The following CCSER2 variants were observed in gnomAD, a reference collection of about 807,000 sequenced individuals.
The protein encoded by CCSER2 is serine-rich coiled-coil domain-containing protein 2.
A neutral mutation model predicts 92.3 loss-of-function variants in CCSER2; 46 were observed. The observed-to-expected ratio is 0.50, with a 90% confidence interval of 0.39 to 0.64. CCSER2 has a LOEUF of 0.64. Ranked by LOEUF, CCSER2 falls within the 30% of genes least tolerant of loss-of-function variation. The probability of loss-of-function intolerance (pLI) is 0.00; values close to 1 mark genes in which losing one functional copy is unlikely to be tolerated. For missense variants in CCSER2, 1,244 were observed against 1,238.9 expected, an observed-to-expected ratio of 1.00 and a Z score of -0.06; for synonymous variants, 433 against 431.4, an observed-to-expected ratio of 1.00 and a Z score of -0.04.
intron 4 of CCSER2, among the ~76,000 whole-genome samples, chr10:84,420,758 C>G (rs543376142): frequency 4.6e-5 from 7 of 151,788 alleles, no homozygotes; most frequent in East Asian, 1.9e-4. Context: ...ATGGTGAAAC[C>G]CTGTCTCTAC....
chr10:84,382,595 A>G (rs1264628808), intron 3 of CCSER2, among the ~76,000 whole-genome samples: 2 of 152,238 alleles, frequency 1.3e-5, no homozygotes, highest in Non-Finnish European at 2.9e-5. Flanking sequence ...AAGAGCTCTC[A>G]TTGAAGAATA....
At chr10:84,448,503 C>T (rs1845067316) in intron 6 of CCSER2, among the ~76,000 whole-genome samples, 1 of 152,034 alleles carries the variant, frequency 6.6e-6, no homozygotes, top group Non-Finnish European at 1.5e-5. Flanking sequence ...GGGTGGAAAC[C>T]TATTTTGCTC....
rs773546405 is a variant in CCSER2 at position 84,372,051 on chromosome 10, T to G, written c.999T>G (p.Thr333=). Residue 333 remains threonine, a synonymous_variant, in exon 2 of 10, where the codon ACT becomes ACG. Transcript: ENST00000372088. The part of the protein sequence containing the change: ...LKSSRSPFSG[T]MTVDGNKNSP... ...CTAGCCGATCTCCATTTTCTGGGAC[T>G]ATGACAGTTGATGGAAATAAAAATT... is the stretch of plus-strand genomic sequence containing the variant. 37 of 1,613,894 alleles carry G rather than the reference T, an allele frequency of 2.3e-5. No homozygotes were observed. The East Asian group carries it at 8.2e-4, about 36-fold the overall frequency.
chr10:84,511,943 A>G (rs1849369302), intron 9 of CCSER2, among the ~76,000 whole-genome samples: 1 of 152,130 alleles, frequency 6.6e-6, no homozygotes. Context: ...TGACTTGTTT[A>G]TTTCAAACAT....
chr10:84,380,795 C>T (rs760957996), intron 3 of CCSER2, among the ~76,000 whole-genome samples: 19 of 151,656 alleles, frequency 1.3e-4, no homozygotes, highest in Admixed American at 2.6e-4. Flanking sequence ...CCTGGGTTCA[C>T]GCCATTCTCC....
At chr10:84,436,059 G>A (rs1303215087) in intron 5 of CCSER2, among the ~76,000 whole-genome samples, 1 of 152,130 alleles carries the variant, frequency 6.6e-6, no homozygotes. Flanking sequence ...GCCCGGCGCC[G>A]TGGCCGACGC....
intron 7 of CCSER2, among the ~76,000 whole-genome samples, 187 bp downstream of exon 7, chr10:84,464,203 A>C (rs996213256): frequency 3.9e-5 from 6 of 152,338 alleles, no homozygotes; most frequent in Non-Finnish European, 7.3e-5. Context: ...TATCAGTTGG[A>C]TAATGATCTG....
At chr10:84,484,490 C>CGT (rs143391336) in intron 9 of CCSER2, among the ~76,000 whole-genome samples, 26,748 of 147,256 alleles carry the variant, frequency 0.18, 2,480 homozygotes, top group African/African-American at 0.26. Flanking sequence ...TGTGCATGCA[C>CGT]GTGTGTGTGT....
chr10:84,425,309 C>A, intron 4 of CCSER2: 2 of 268,674 alleles, frequency 7.4e-6, no homozygotes, highest in Non-Finnish European at 1.1e-5. Flanking sequence ...TTAATTGTAG[C>A]AGTCCTTTAT....
At chr10:84,335,664 A>T (rs1027960198) in intron 1 of CCSER2, among the ~76,000 whole-genome samples, 3 of 152,150 alleles carry the variant, frequency 2.0e-5, no homozygotes, top group Non-Finnish European at 4.4e-5. Flanking sequence ...GGCCCTAGTG[A>T]ATACGCTAGG....
chr10:84,482,452 G>A (rs1344479356), intron 9 of CCSER2, among the ~76,000 whole-genome samples: 1 of 152,186 alleles, frequency 6.6e-6, no homozygotes, highest in East Asian at 1.9e-4. Context: ...TTTAAGCATA[G>A]TGTACAGATC....
chr10:84,507,910 A>G (rs1369960223), intron 9 of CCSER2, among the ~76,000 whole-genome samples: 1 of 152,180 alleles, frequency 6.6e-6, no homozygotes, highest in Admixed American at 6.5e-5. Flanking sequence ...TGGGTAGGCT[A>G]GATCATCTAA....
intron 9 of CCSER2, among the ~76,000 whole-genome samples, chr10:84,480,309 C>T (rs1364021106): frequency 1.3e-5 from 2 of 152,098 alleles, no homozygotes. Context: ...AGACATGAGC[C>T]ACCATGCCTG....
chr10:84,381,316 A>G (rs1418877068), intron 3 of CCSER2, among the ~76,000 whole-genome samples: 1 of 152,244 alleles, frequency 6.6e-6, no homozygotes, highest in African/African-American at 2.4e-5. Context: ...ATTTACACTC[A>G]TTAATATTCT....
chr10:84,421,112 T>C (rs1407698283), intron 4 of CCSER2, among the ~76,000 whole-genome samples: 3 of 152,188 alleles, frequency 2.0e-5, no homozygotes, highest in Non-Finnish European at 2.9e-5. Flanking sequence ...TATCATTTCA[T>C]GGAAGAAGCC....
chr10:84,352,589 TCAC>T (rs979625438), intron 1 of CCSER2, among the ~76,000 whole-genome samples: 70 of 151,938 alleles, frequency 4.6e-4, no homozygotes, highest in African/African-American at 1.4e-3. Flanking sequence ...AGAGTACCTA[TCAC>T]CACCACCACC....
chr10:84,412,327 C>G (rs1237178976), intron 3 of CCSER2, among the ~76,000 whole-genome samples: 1 of 152,038 alleles, frequency 6.6e-6, no homozygotes, highest in South Asian at 2.1e-4. Context: ...GGAGGAGTCC[C>G]TCCTTTTTAA....
chr10:84,424,281 TA>T (rs1244434863), intron 4 of CCSER2, among the ~76,000 whole-genome samples: 2,627 of 141,294 alleles, frequency 0.019, 64 homozygotes, highest in African/African-American at 0.058. Context: ...TAACTGAACT[TA>T]AAAAAAAAAA....
intron 3 of CCSER2, among the ~76,000 whole-genome samples, chr10:84,388,027 C>T (rs1841319108): frequency 6.6e-6 from 1 of 152,038 alleles, no homozygotes; most frequent in South Asian, 2.1e-4. Context: ...CCATGCCTGG[C>T]TAATTTTTTG....
Sources: gnomAD v4.1 joint callset for allele counts (sites outside exome capture counted in the v4.1 genomes callset) on GRCh38, gnomAD v4.1.1 for gene constraint, MANE v1.5 for transcripts, NCBI Gene and HGNC (gene_info 2026-07-23, HGNC 2026-07-21) for gene names.